The following TRPV1 variants were observed in gnomAD, a reference collection of about 807,000 sequenced individuals.
The protein encoded by TRPV1 is transient receptor potential cation channel subfamily V member 1.
Under a neutral mutation model 82.3 loss-of-function variants are expected in TRPV1, and 82 were observed. The observed-to-expected ratio is 1.00, with a 90% CI of 0.83 to 1.20. The LOEUF is 1.20. Ranked by LOEUF, TRPV1 falls within the 50% of genes most tolerant of loss-of-function variation. The pLI, the probability that TRPV1 is intolerant of heterozygous loss-of-function variation, is 0.00. For missense variants in TRPV1, 1,067 were observed against 1,096.8 expected (o/e 0.97, Z 0.38); for synonymous variants, 515 against 467.7 (o/e 1.10, Z -1.30).
chr17:3,602,723 T>C (rs1439310498), intron 2 of TRPV1, among the ~76,000 whole-genome samples: 2 of 152,174 alleles, frequency 1.3e-5, no homozygotes, highest in East Asian at 1.9e-4. Flanking sequence ...GTGTTACCAC[T>C]AGGGGGCACA....
intron 8 of TRPV1, among the ~76,000 whole-genome samples, chr17:3,587,073 C>T (rs2075094089): frequency 6.6e-6 from 1 of 152,216 alleles, no homozygotes; most frequent in Admixed American, 6.5e-5. Context: ...GTCCACACTC[C>T]TTGTCCCTGA....
At chr17:3,578,982 C>CA (rs1459074297) in intron 11 of TRPV1, 2 of 152,038 alleles carry the variant, frequency 1.3e-5, no homozygotes, top group Non-Finnish European at 2.9e-5. Flanking sequence ...ACTGGGCACC[C>CA]ACAAGCACAA....
Position 3,570,680 on chromosome 17 carries a change from T to G in TRPV1, c.2347+844A>C, listed in dbSNP as rs1029224354. Reference sequence around the variant, plus strand: ...TGTTTACCAGTAACTGTTAAACAGCTTTCTTTCTGGTAGTAATTTTTCTCA... The same window carrying G: ...TGTTTACCAGTAACTGTTAAACAGCGTTCTTTCTGGTAGTAATTTTTCTCA... On this transcript the variant is annotated intron_variant, in intron 16 of 16. Transcript: ENST00000572705. Among the ~76,000 whole-genome samples, 3 of 152,176 alleles carry G rather than the reference T, an allele frequency of 2.0e-5. No individual in the cohort carries two copies. The East Asian group carries it at 5.8e-4, about 29-fold the overall frequency.
At position 3,588,381 on chromosome 17, in the gene TRPV1, G is replaced by T; in HGVS notation, c.1045-14C>A. 1.3e-6 allele frequency: 2 copies of T among 1,550,144 alleles called. No individual in the cohort carries two copies. The highest frequency in any genetic ancestry group is 1.7e-6 in the Non-Finnish European group (2 of 1,145,970). On this transcript the variant is annotated splice_polypyrimidine_tract_variant and intron_variant, in intron 7 of 16. Transcript: ENST00000572705. ...ATAGGCCAAGACCTGCCCCCGGGGA[G>T]CAAGAGCCCGTCAGAGGCCAGCCCC...
At chr17:3,576,649 A>T (rs943078255) in intron 13 of TRPV1, among the ~76,000 whole-genome samples, 30 of 47,290 alleles carry the variant, frequency 6.3e-4, no homozygotes, top group Non-Finnish European at 1.7e-3. Context: ...TAGACTCTGT[A>T]TGAGAAAAAA....
intron 2 of TRPV1, among the ~76,000 whole-genome samples, chr17:3,601,380 G>C (rs161378): frequency 2.0e-5 from 3 of 148,146 alleles, no homozygotes; most frequent in East Asian, 2.0e-4. Context: ...CCCCACCCCC[G>C]CACCCTGAGC....
Position 3,573,532 on chromosome 17 carries a change from G to GCCCCCCCCCCCCCCCCCCCCCCC in TRPV1, c.2103+100_2103+101insGGGGGGGGGGGGGGGGGGGGGGG. The stretch of plus-strand genomic sequence containing the variant: ...GCCCATACCCTCCTGGCCACACACC[G>GCCCCCCCCCCCCCCCCCCCCCCC]CCCCCACCACCCACCCACCTGCAGC... On this transcript the variant is annotated intron_variant, in intron 14 of 16. Coordinates refer to ENST00000572705, the MANE Select transcript of TRPV1 (RefSeq NM_080704.4). 26 of 257,076 alleles carry GCCCCCCCCCCCCCCCCCCCCCCC rather than the reference G, an allele frequency of 1.0e-4. 10 individuals carry two copies. Among genetic ancestry groups the GCCCCCCCCCCCCCCCCCCCCCCC allele is most frequent in the Non-Finnish European group, 1.2e-4 (16 of 130,288 alleles). 15.9% of individuals were successfully genotyped at this position (257,076 alleles called of 1,614,324 possible).
intron 16 of TRPV1, among the ~76,000 whole-genome samples, chr17:3,570,853 A>G (rs1183969180): frequency 3.3e-5 from 5 of 152,080 alleles, no homozygotes; most frequent in Non-Finnish European, 4.4e-5. Context: ...AGCTGGGATT[A>G]CAGGTGCCTG....
intron 16 of TRPV1, among the ~76,000 whole-genome samples, chr17:3,567,517 T>C (rs1028396117): frequency 2.0e-5 from 3 of 152,060 alleles, no homozygotes; most frequent in Non-Finnish European, 4.4e-5. Context: ...ACTCTCGCTG[T>C]TCCTTAAATT....
At position 3,573,882 on chromosome 17, in the gene TRPV1, C is replaced by A; in HGVS notation, c.1854G>T (p.Gly618=). ...AGCTATCGGGGGGCCTGCAGGCAGG[C>A]CCCCGCCACCTGTGCGACGTGGACT... ...PSESTSHRWR[G]PACRPPDSSY... is the part of the protein sequence containing the mutation. Residue 618 remains glycine, a synonymous_variant, in exon 14 of 17, where the codon GGG becomes GGT. Transcript: ENST00000572705. 2 of 1,605,886 alleles carry A rather than the reference C, an allele frequency of 1.2e-6. No individual in the cohort carries two copies. Among genetic ancestry groups the A allele is most frequent in the African/African-American group, 2.7e-5 (2 of 74,584 alleles).
At chr17:3,605,045 T>A (rs978768153) in intron 2 of TRPV1, among the ~76,000 whole-genome samples, 1 of 152,206 alleles carries the variant, frequency 6.6e-6, no homozygotes, top group Non-Finnish European at 1.5e-5. Context: ...GACATGACGA[T>A]CACTTTAATG....
intron 10 of TRPV1, among the ~76,000 whole-genome samples, chr17:3,582,423 A>G (rs916015120): frequency 6.6e-6 from 1 of 152,050 alleles, no homozygotes; most frequent in African/African-American, 2.4e-5. Context: ...AAAAAAAACA[A>G]AAACAAAAAC....
intron 7 of TRPV1, chr17:3,588,867 A>G: frequency 6.6e-7 from 1 of 1,522,986 alleles, no homozygotes. Context: ...GCTGCCTCAG[A>G]TACTACCTGC....
intron 16 of TRPV1, among the ~76,000 whole-genome samples, chr17:3,568,405 G>T (rs2074804556): frequency 6.6e-6 from 1 of 151,646 alleles, no homozygotes; most frequent in Non-Finnish European, 1.5e-5. Flanking sequence ...GGCAAAGTTA[G>T]ACCAGTTAAC....
At chr17:3,599,822 T>A (rs1021266007) in intron 2 of TRPV1, among the ~76,000 whole-genome samples, 1 of 152,116 alleles carries the variant, frequency 6.6e-6, no homozygotes, top group African/African-American at 2.4e-5. Flanking sequence ...GGTTTCACCA[T>A]GTTGGCCAGG....
chr17:3,573,532 G>GCCCACCCCCC lies in TRPV1; in HGVS notation c.2103+100_2103+101insGGGGGGTGGG. 3.5e-5 allele frequency: 9 copies of GCCCACCCCCC among 257,076 alleles called. 4 individuals are homozygous for GCCCACCCCCC. Among genetic ancestry groups the GCCCACCCCCC allele is most frequent in the Admixed American group, 1.1e-4 (2 of 18,772 alleles). The allele number at this position is 257,076 out of a possible 1,614,324, so 15.9% of individuals were successfully genotyped here. Reference sequence around the variant, plus strand: ...GCCCATACCCTCCTGGCCACACACCGCCCCCACCACCCACCCACCTGCAGC... The same window carrying GCCCACCCCCC: ...GCCCATACCCTCCTGGCCACACACCGCCCACCCCCCCCCCCACCACCCACCCACCTGCAGC... On this transcript the variant is annotated intron_variant, in intron 14 of 16. Coordinates refer to ENST00000572705, the MANE Select transcript of TRPV1 (RefSeq NM_080704.4).
In TRPV1 at chr17:3,585,876, G is replaced by A. The variant is rs771382831; in HGVS notation, c.1275C>T (p.Asp425=). The change falls in exon 9 of 17, where the codon GAC becomes GAT. Residue 425 remains aspartate, a synonymous_variant. Coordinates refer to ENST00000572705, the MANE Select transcript of TRPV1 (RefSeq NM_080704.4). ...LVEPLNRLLQ[D]KWDRFVKRIF... ...TGCGCTTGACGAATCTGTCCCACTT[G>A]TCCTGCAGGAGTCGGTTCAGCGGCT... 1 of 1,614,040 alleles carries A rather than the reference G, an allele frequency of 6.2e-7. No homozygotes were observed. Among genetic ancestry groups the A allele is most frequent in the Non-Finnish European group, 8.5e-7 (1 of 1,179,888 alleles).
intron 2 of TRPV1, among the ~76,000 whole-genome samples, chr17:3,598,860 C>A (rs561172639): frequency 5.3e-5 from 8 of 151,248 alleles, no homozygotes; most frequent in African/African-American, 1.9e-4. Context: ...AGCCACCGCG[C>A]CTGGCCGCTT....
In TRPV1 at chr17:3,589,942, C is replaced by T. The variant is rs764482452; in HGVS notation, c.909G>A (p.Thr303=). ...VEVADNTADN[T]KFVTSMYNEI... Reference sequence around the variant, plus strand: ...CATTGTACATGCTCGTCACAAACTTCGTGTTGTCGGCCGTGTTGTCGGCCA... The same window carrying T: ...CATTGTACATGCTCGTCACAAACTTTGTGTTGTCGGCCGTGTTGTCGGCCA... Residue 303 remains threonine (T), a synonymous_variant, in exon 7 of 17, where the codon ACG becomes ACA. Coordinates refer to ENST00000572705, the MANE Select transcript of TRPV1 (RefSeq NM_080704.4). The T allele has an allele frequency of 2.5e-5, 39 of 1,572,282 alleles. No homozygotes were observed. The highest frequency in any genetic ancestry group is 1.7e-4 in the Middle Eastern group (1 of 6,038).
Sources: gnomAD v4.1 joint callset for allele counts (sites outside exome capture counted in the v4.1 genomes callset) on GRCh38, gnomAD v4.1.1 for gene constraint, MANE v1.5 for transcripts, NCBI Gene and HGNC (gene_info 2026-07-23, HGNC 2026-07-21) for gene names.